Variants in CDH13 observed in about 807,000 individuals in gnomAD.
The protein encoded by CDH13 is cadherin 13.
In CDH13, 24 loss-of-function variants were observed where a neutral mutation model predicts 63.8. The ratio of observed to expected loss-of-function variants is 0.38; its 90% CI spans 0.27 to 0.53. The LOEUF (loss-of-function observed/expected upper bound fraction) is 0.53. Ranked by LOEUF, CDH13 falls within the 20% of genes least tolerant of loss-of-function variation. The pLI, the probability that CDH13 is intolerant of heterozygous loss-of-function variation, is 0.85. For synonymous variants in CDH13, 503 were observed against 355.3 expected (o/e 1.42, Z -4.67); for missense variants, 1,049 against 903.1 (o/e 1.16, Z -2.07).
chr16:82,815,467 G>T (rs1174974403), intron 1 of CDH13, among the ~76,000 whole-genome samples: 1 of 152,178 alleles, frequency 6.6e-6, no homozygotes, highest in Non-Finnish European at 1.5e-5. Context: ...GGTAGTGTGT[G>T]TCAGGTGCTC....
intron 6 of CDH13, among the ~76,000 whole-genome samples, chr16:83,349,440 C>T (rs1310401622): frequency 6.6e-6 from 1 of 152,024 alleles, no homozygotes; most frequent in African/African-American, 2.4e-5. Flanking sequence ...AATGGCTGAC[C>T]ATGAGGAATG....
At chr16:82,728,082 G>C (rs2033197596) in intron 1 of CDH13, among the ~76,000 whole-genome samples, 1 of 152,136 alleles carries the variant, frequency 6.6e-6, no homozygotes, top group South Asian at 2.1e-4. Context: ...AGGGTAATAT[G>C]AATACCTTAT....
chr16:83,724,614 C>T (rs1038110029), intron 10 of CDH13, among the ~76,000 whole-genome samples: 2 of 152,156 alleles, frequency 1.3e-5, no homozygotes, highest in South Asian at 2.1e-4. Context: ...TTGGAGGAAG[C>T]GTCTTACTTG....
At chr16:83,239,079 G>T (rs1904292317) in intron 5 of CDH13, among the ~76,000 whole-genome samples, 2 of 152,300 alleles carry the variant, frequency 1.3e-5, no homozygotes, top group South Asian at 2.1e-4. Context: ...TGTTGGTCAG[G>T]GGACTGATGC....
At chr16:82,708,249 TG>T (rs1483732222) in intron 1 of CDH13, among the ~76,000 whole-genome samples, 2 of 152,186 alleles carry the variant, frequency 1.3e-5, no homozygotes, top group African/African-American at 4.8e-5. Context: ...GAAATCTAGC[TG>T]GCTGGCTTTG....
intron 8 of CDH13, among the ~76,000 whole-genome samples, chr16:83,665,651 T>C (rs1388970263): frequency 6.6e-6 from 1 of 152,200 alleles, no homozygotes; most frequent in East Asian, 1.9e-4. Context: ...TGTGAAACTT[T>C]AGGGTTAATG....
chr16:82,735,381 C>A (rs1421591233), intron 1 of CDH13, among the ~76,000 whole-genome samples: 1 of 152,192 alleles, frequency 6.6e-6, no homozygotes, highest in Non-Finnish European at 1.5e-5. Flanking sequence ...CTGGGTCTGT[C>A]CCTGCAGTGA....
intron 7 of CDH13, among the ~76,000 whole-genome samples, chr16:83,598,858 C>G (rs1018794212): frequency 6.6e-6 from 1 of 152,158 alleles, no homozygotes; most frequent in South Asian, 2.1e-4. Flanking sequence ...TAACCACCTC[C>G]AAGTTTAACA....
chr16:83,562,407 G>A (rs1249541178), intron 7 of CDH13, among the ~76,000 whole-genome samples: 1 of 152,202 alleles, frequency 6.6e-6, no homozygotes, highest in Non-Finnish European at 1.5e-5. Context: ...GTAACCCACA[G>A]TGAACAAGAG....
intron 5 of CDH13, among the ~76,000 whole-genome samples, chr16:83,240,267 G>A (rs987825160): frequency 9.2e-5 from 14 of 152,258 alleles, no homozygotes; most frequent in Middle Eastern, 3.4e-3. Context: ...TGTAGGGAAC[G>A]TAGGCCTGGG....
intron 3 of CDH13, among the ~76,000 whole-genome samples, chr16:83,086,161 T>C (rs889532494): frequency 6.6e-5 from 10 of 152,126 alleles, no homozygotes; most frequent in African/African-American, 2.4e-4. Context: ...ACTGGTGTCT[T>C]CCAGTTCACT....
At chr16:83,525,312 C>T (rs2074936850) in intron 7 of CDH13, among the ~76,000 whole-genome samples, 1 of 152,248 alleles carries the variant, frequency 6.6e-6, no homozygotes, top group African/African-American at 2.4e-5. Flanking sequence ...GTGTCATGCA[C>T]ACTGACTTAT....
intron 8 of CDH13, among the ~76,000 whole-genome samples, chr16:83,670,301 A>C (rs577590001): frequency 6.6e-6 from 1 of 152,222 alleles, no homozygotes; most frequent in Non-Finnish European, 1.5e-5. Context: ...CTGCGAGAAC[A>C]AATGCAAACA....
At chr16:83,107,759 A>G (rs1013553731) in intron 3 of CDH13, among the ~76,000 whole-genome samples, 39 of 150,080 alleles carry the variant, frequency 2.6e-4, no homozygotes, top group African/African-American at 9.3e-4. Flanking sequence ...TTACAATCAC[A>G]TAATTCATTC....
intron 6 of CDH13, among the ~76,000 whole-genome samples, chr16:83,401,707 G>A (rs990807193): frequency 6.6e-6 from 1 of 152,068 alleles, no homozygotes; most frequent in Non-Finnish European, 1.5e-5. Context: ...CTTACCCAAG[G>A]ATGCGTGACT....
chr16:82,863,977 G>C (rs1485286429), intron 2 of CDH13, among the ~76,000 whole-genome samples: 1 of 152,142 alleles, frequency 6.6e-6, no homozygotes, highest in African/African-American at 2.4e-5. Flanking sequence ...ACTTTTGCCA[G>C]GCTTTCCTTT....
chr16:83,552,101 T>A (rs1306486714), intron 7 of CDH13, among the ~76,000 whole-genome samples: 6 of 152,220 alleles, frequency 3.9e-5, no homozygotes, highest in Non-Finnish European at 1.5e-5. Context: ...CACCTTGGGA[T>A]AAATGATATG....
intron 10 of CDH13, among the ~76,000 whole-genome samples, chr16:83,714,300 A>T (rs1321233159): frequency 6.6e-6 from 1 of 152,142 alleles, no homozygotes; most frequent in Non-Finnish European, 1.5e-5. Context: ...TAAAAGATTG[A>T]TTTTTATTAT....
intron 12 of CDH13, 107 bp downstream of exon 12, chr16:83,780,308 C>A: frequency 2.8e-6 from 2 of 719,252 alleles, no homozygotes; most frequent in Non-Finnish European, 4.5e-6. Flanking sequence ...TCATTTGGTT[C>A]ATTTTAAGTT....
Sources: allele counts gnomAD v4.1 joint callset (sites outside exome capture counted in the v4.1 genomes callset), GRCh38; gene constraint gnomAD v4.1.1; transcripts MANE v1.5; gene names NCBI Gene and HGNC (gene_info 2026-07-23, HGNC 2026-07-21).